Variants in ZFYVE16 observed in about 807,000 individuals in gnomAD.
ZFYVE16 encodes zinc finger FYVE domain-containing protein 16.
In ZFYVE16, 89 loss-of-function variants were observed where a neutral mutation model predicts 138.1. That is an observed-to-expected ratio of 0.64 (90% CI 0.54 to 0.77). The LOEUF is 0.77. ZFYVE16 is among the 30% of genes least tolerant of loss of function. The pLI is 0.00. For missense variants in ZFYVE16, 1,793 were observed against 1,786.7 expected (o/e 1.00, Z -0.06); for synonymous variants, 596 against 618.3 (o/e 0.96, Z 0.53).
At position 80,479,557 on chromosome 5, in the gene ZFYVE16, T is replaced by G. The variant is rs1443821011; in HGVS notation, c.*2180T>G. ...AGAGAAAGAGTAGGATTTGGCCCTG[T>G]AGGAGCAAAGATTCAATTGTGGGAA... is the stretch of plus-strand genomic sequence containing the variant. On this transcript the variant is annotated 3_prime_UTR_variant, in exon 19 of 19. Transcript: ENST00000505560. 6.6e-6 allele frequency among the ~76,000 whole-genome samples: 1 copy of G among 152,196 alleles called. No homozygotes were observed. Among genetic ancestry groups the G allele is most frequent in the African/African-American group, 2.4e-5 (1 of 41,464 alleles).
chr5:80,428,458 G>A (rs925503628), intron 2 of ZFYVE16, among the ~76,000 whole-genome samples: 18 of 152,174 alleles, frequency 1.2e-4, no homozygotes, highest in African/African-American at 3.6e-4. Context: ...CCATCTATAC[G>A]TCACCATCAT....
chr5:80,441,709 G>T, intron 5 of ZFYVE16: 1 of 985,400 alleles, frequency 1.0e-6, no homozygotes, highest in South Asian at 4.7e-5. Flanking sequence ...AAGTAGATTT[G>T]AGGCAAGTTA....
chr5:80,421,916 T>C (rs1182580953), intron 1 of ZFYVE16, among the ~76,000 whole-genome samples: 1 of 152,246 alleles, frequency 6.6e-6, no homozygotes, highest in African/African-American at 2.4e-5. Context: ...TATTGATTCT[T>C]CCTATCCAAG....
intron 7 of ZFYVE16, among the ~76,000 whole-genome samples, chr5:80,447,803 A>G (rs1751549150): frequency 6.6e-6 from 1 of 152,230 alleles, no homozygotes; most frequent in African/African-American, 2.4e-5. Flanking sequence ...CTGAGCATGC[A>G]GTAAAACTAA....
At chr5:80,445,451 T>A (rs768966664) in intron 7 of ZFYVE16, 46 bp downstream of exon 7, 4 of 1,564,504 alleles carry the variant, frequency 2.6e-6, no homozygotes, top group Non-Finnish European at 3.5e-6. Flanking sequence ...AAAATTTTAT[T>A]TCGTAGATAA....
In ZFYVE16 at chr5:80,437,722, C is replaced by T; in HGVS notation, c.1037C>T (p.Ser346Leu). The change falls in exon 4 of 19, where the codon TCA (serine) becomes TTA (leucine). Residue 346 changes from serine to leucine, a missense_variant. Physicochemically the swap from Ser to Leu is moderately radical, Grantham distance 145. Coordinates refer to ENST00000505560, the MANE Select transcript of ZFYVE16 (RefSeq NM_001284236.3). ...ATAAAACAATCTGCACAAGAAGACT[C>T]AAAAAGTTTAGACCTTAAGGATAAT... ...TVIKQSAQED[S>L]KSLDLKDNDV... 6.2e-7 allele frequency: 1 copy of T among 1,613,954 alleles called. No individual in the cohort carries two copies. The highest frequency in any genetic ancestry group is 1.1e-5 in the South Asian group (1 of 91,074).
At position 80,415,119 on chromosome 5, in the gene ZFYVE16, T is replaced by G. The variant is rs1746019032; in HGVS notation, c.-94+6966T>G. ...TAATTTCTAATATTTTCTCTCCTGT[T>G]TTCTATCCCTTTCTGTTCTGTTTTC... On this transcript the variant is annotated intron_variant, in intron 1 of 18. Coordinates refer to ENST00000505560, the MANE Select transcript of ZFYVE16 (RefSeq NM_001284236.3). Among the ~76,000 whole-genome samples the G allele has an allele frequency of 2.0e-5, 3 of 152,356 alleles. No homozygotes were observed. The South Asian group carries it at 6.2e-4, about 32-fold the overall frequency.
intron 2 of ZFYVE16, among the ~76,000 whole-genome samples, chr5:80,429,869 A>G (rs1748729845): frequency 6.6e-6 from 1 of 152,210 alleles, no homozygotes; most frequent in East Asian, 1.9e-4. Context: ...TAAAGGGATC[A>G]ATTCAACAAG....
intron 1 of ZFYVE16, among the ~76,000 whole-genome samples, chr5:80,413,634 C>A (rs77132581): frequency 0.016 from 2,467 of 152,186 alleles, 73 homozygotes; most frequent in African/African-American, 0.056. Flanking sequence ...TCTTAATTCT[C>A]CCAAAGAGGG....
chr5:80,449,572 T>C lies in ZFYVE16; in HGVS notation c.3104-19T>C. 5 of 1,600,070 alleles carry C rather than the reference T, an allele frequency of 3.1e-6. No individual in the cohort carries two copies. The highest frequency in any genetic ancestry group is 4.3e-6 in the Non-Finnish European group (5 of 1,175,606). ...AACAGGATATTTATCCTGATTAATATATTACTTTCATCATTTAGTGCCTGT... is the reference window on the plus strand; with the variant it reads ...AACAGGATATTTATCCTGATTAATACATTACTTTCATCATTTAGTGCCTGT... On this transcript the variant is annotated intron_variant, in intron 8 of 18. Transcript: ENST00000505560.
In ZFYVE16 at chr5:80,474,759, C is replaced by T; in HGVS notation, c.4390C>T (p.Pro1464Ser). 3 of 1,613,720 alleles carry T rather than the reference C, an allele frequency of 1.9e-6. No homozygotes were observed. The highest frequency in any genetic ancestry group is 1.1e-5 in the South Asian group (1 of 91,024). Reference protein sequence around the residue: ...IAMACSAALCPHLKTLKSNGM... With the variant: ...IAMACSAALCSHLKTLKSNGM... The stretch of plus-strand genomic sequence containing the variant: ...CATGGCTTGTAGTGCTGCGCTGTGC[C>T]CTCACCTGAAAACTCTAAAAAGTAA... Residue 1464 changes from proline to serine, a missense_variant, in exon 18 of 19, where the codon CCT (proline) becomes TCT (serine). By Grantham distance (74) the Pro-to-Ser change is moderately conservative. This residue lies in a region of ZFYVE16 where 498 missense variants were observed against 582.4 expected (regional missense o/e 0.86). Transcript: ENST00000505560.
At position 80,473,787 on chromosome 5, in the gene ZFYVE16, A is replaced by G. The variant is rs780572902; in HGVS notation, c.4221A>G (p.Gln1407=). The change falls in exon 17 of 19, where the codon CAA becomes CAG. Residue 1407 remains glutamine (Q), a synonymous_variant. Coordinates refer to ENST00000505560, the MANE Select transcript of ZFYVE16 (RefSeq NM_001284236.3). ...VISSVDGISL[Q]GFPSEKIKLE... The stretch of plus-strand genomic sequence containing the variant: ...GTTCAGTGGATGGAATATCATTACA[A>G]GGATTTCCAAGTGAAAAAATAAAAC... 3.7e-6 allele frequency: 6 copies of G among 1,613,138 alleles called. No homozygotes were observed. The South Asian group carries it at 5.5e-5, about 15-fold the overall frequency.
intron 15 of ZFYVE16, among the ~76,000 whole-genome samples, chr5:80,466,353 C>G (rs1753752680): frequency 6.6e-6 from 1 of 152,198 alleles, no homozygotes; most frequent in African/African-American, 2.4e-5. Flanking sequence ...ACAAATTCTT[C>G]TGCCTAGTCA....
At chr5:80,439,492 G>A (rs1168358092) in intron 4 of ZFYVE16, among the ~76,000 whole-genome samples, 1 of 152,024 alleles carries the variant, frequency 6.6e-6, no homozygotes. Flanking sequence ...TAAAAAGATT[G>A]TCTATAAATT....
Position 80,469,985 on chromosome 5 carries a change from C to T in ZFYVE16, c.4025-2776C>T, listed in dbSNP as rs543555456. Among the ~76,000 whole-genome samples, 27 of 143,932 alleles carry T rather than the reference C, an allele frequency of 1.9e-4. No homozygotes were observed. The South Asian group carries it at 4.0e-3, about 21-fold the overall frequency. The allele number at this position is 143,932 out of a possible 152,430, so 94.4% of individuals were successfully genotyped here. A position where few individuals can be genotyped will look rare whatever the true frequency, so the allele number is the denominator to read the frequency against. ...ATATTTGCTTTTTATTCTTTGAATG[C>T]GTTTCCTTTATGTCTTTGAATATAC... On this transcript the variant is annotated intron_variant, in intron 15 of 18. Transcript: ENST00000505560.
chr5:80,472,724 T>C (rs1276327268), intron 15 of ZFYVE16, 37 bp from the exon 16 acceptor site: 3 of 1,599,128 alleles, frequency 1.9e-6, no homozygotes, highest in Non-Finnish European at 2.6e-6. Flanking sequence ...ACATTGGTAT[T>C]TGGCAAAAGA....
chr5:80,460,780 A>G (rs1753017996), intron 15 of ZFYVE16, among the ~76,000 whole-genome samples: 1 of 151,564 alleles, frequency 6.6e-6, no homozygotes, highest in Non-Finnish European at 1.5e-5. Flanking sequence ...TTAACTCTGT[A>G]CCGATTCCAT....
chr5:80,428,651 C>A (rs1458473148), intron 2 of ZFYVE16, among the ~76,000 whole-genome samples: 1 of 152,202 alleles, frequency 6.6e-6, no homozygotes, highest in African/African-American at 2.4e-5. Context: ...GACGACCAAA[C>A]TTCTCCGAAC....
At chr5:80,440,611 A>G in intron 5 of ZFYVE16, 1 of 979,420 alleles carries the variant, frequency 1.0e-6, no homozygotes, top group Non-Finnish European at 1.2e-6. Flanking sequence ...CTCTCTAATT[A>G]GCTACAATTA....
Sources: gnomAD v4.1 joint callset for allele counts (sites outside exome capture counted in the v4.1 genomes callset) on GRCh38, gnomAD v4.1.1 for gene constraint, gnomAD v4.1.1 regional missense constraint, MANE v1.5 for transcripts, NCBI Gene and HGNC (gene_info 2026-07-23, HGNC 2026-07-21) for gene names.